Variants in ABI1 observed in about 807,000 individuals in gnomAD.
The protein encoded by ABI1 is abl interactor 1.
Under a neutral mutation model 54.6 loss-of-function variants are expected in ABI1, and 14 were observed. The observed-to-expected ratio is 0.26, with a 90% confidence interval of 0.17 to 0.40. The LOEUF (loss-of-function observed/expected upper bound fraction) is 0.40, where lower values mean the gene tolerates loss of function less well. Among genes scored for constraint, ABI1 ranks in the 10% least tolerant of loss-of-function variants. ABI1 has a pLI of 1.00. For missense variants in ABI1, 443 were observed against 598.3 expected, an observed-to-expected ratio of 0.74 and a Z score of 2.71; for synonymous variants, 194 against 209.3, an observed-to-expected ratio of 0.93 and a Z score of 0.63.
intron 1 of ABI1, among the ~76,000 whole-genome samples, chr10:26,836,840 T>C (rs184497226): frequency 1.9e-3 from 287 of 152,332 alleles, no homozygotes; most frequent in African/African-American, 6.4e-3. Flanking sequence ...CTGAGTTGTA[T>C]TACTTATAGC....
intron 5 of ABI1, 36 bp downstream of exon 5, chr10:26,770,209 T>C: frequency 6.5e-7 from 1 of 1,545,152 alleles, no homozygotes; most frequent in Non-Finnish European, 8.9e-7. Flanking sequence ...TCCTTTAGCA[T>C]ATGAATTCTT....
At chr10:26,762,125 G>A (rs538615386) in intron 7 of ABI1, among the ~76,000 whole-genome samples, 2 of 152,174 alleles carry the variant, frequency 1.3e-5, no homozygotes, top group African/African-American at 4.8e-5. Flanking sequence ...TCCCACCTCA[G>A]CCTCCCAAGT....
chr10:26,837,121 A>G (rs904667472), intron 1 of ABI1, among the ~76,000 whole-genome samples: 5 of 152,196 alleles, frequency 3.3e-5, no homozygotes, highest in African/African-American at 1.2e-4. Flanking sequence ...ACTGTATTAA[A>G]TATACAGTCG....
In ABI1 at chr10:26,759,217, C is replaced by G. The variant is rs756105104; in HGVS notation, c.842G>C (p.Gly281Ala). Residue 281 changes from glycine to alanine, a missense_variant, in exon 8 of 11, where the codon GGT becomes GCT. This residue lies in a region of ABI1 where 394 missense variants were observed against 484.8 expected (regional missense o/e 0.81). Transcript: ENST00000376140. ...CCTGGTCATTGTGCCATACTGGGAA[C>G]CAGGAGCTGAGCCCGGGGCTGCTGA... ...IGPAAPGSAP[G>A]SQYGTMTRQI... The G allele has an allele frequency of 2.5e-6, 4 of 1,613,780 alleles. No homozygotes were observed. Among genetic ancestry groups the G allele is most frequent in the Admixed American group, 3.3e-5 (2 of 59,950 alleles).
intron 2 of ABI1, among the ~76,000 whole-genome samples, chr10:26,797,330 G>C (rs1216593141): frequency 6.6e-6 from 1 of 152,120 alleles, no homozygotes; most frequent in South Asian, 2.1e-4. Context: ...TTAATTCATA[G>C]GTGTTCATTT....
chr10:26,781,415 A>C (rs1226859027), intron 2 of ABI1, among the ~76,000 whole-genome samples: 1 of 152,174 alleles, frequency 6.6e-6, no homozygotes, highest in Non-Finnish European at 1.5e-5. Flanking sequence ...CCTAAACCAA[A>C]TCTGCTAGCT....
chr10:26,770,357 A>G lies in ABI1; in HGVS notation c.478-12T>C, dbSNP rs1256104992. 6.2e-7 allele frequency: 1 copy of G among 1,607,602 alleles called. No homozygotes were observed. The highest frequency in any genetic ancestry group is 8.5e-7 in the Non-Finnish European group (1 of 1,174,124). On this transcript the variant is annotated splice_polypyrimidine_tract_variant and intron_variant, in intron 4 of 10. Coordinates refer to ENST00000376140, the MANE Select transcript of ABI1 (RefSeq NM_001012750.3). ...TGGTTATTTCCATGCTAAAATGTAG[A>G]AAGAAATGCTTTTATTTTTATATCA...
At chr10:26,849,819 T>A (rs2050254507) in intron 1 of ABI1, among the ~76,000 whole-genome samples, 1 of 152,224 alleles carries the variant, frequency 6.6e-6, no homozygotes. Flanking sequence ...GATTGCAATT[T>A]TTTCACATTG....
At chr10:26,811,919 AG>A (rs35127111) in intron 2 of ABI1, among the ~76,000 whole-genome samples, 1 of 152,202 alleles carries the variant, frequency 6.6e-6, no homozygotes, top group African/African-American at 2.4e-5. Flanking sequence ...AAAATCTTAC[AG>A]GATCAAATCC....
At chr10:26,753,466 T>A (rs1837890570) in intron 9 of ABI1, among the ~76,000 whole-genome samples, 1 of 152,198 alleles carries the variant, frequency 6.6e-6, no homozygotes, top group Non-Finnish European at 1.5e-5. Flanking sequence ...CACGAAATTG[T>A]CTTTATGTCC....
chr10:26,804,849 G>T (rs145123238), intron 2 of ABI1, among the ~76,000 whole-genome samples: 1,846 of 152,232 alleles, frequency 0.012, 18 homozygotes, highest in Non-Finnish European at 0.018. Flanking sequence ...CTATGTAAAT[G>T]CCAGTTACTA....
intron 2 of ABI1, among the ~76,000 whole-genome samples, chr10:26,795,124 A>G (rs1350959168): frequency 1.3e-5 from 2 of 150,348 alleles, no homozygotes; most frequent in African/African-American, 4.9e-5. Flanking sequence ...AGCCTGGGCG[A>G]CAGAGCGAGA....
chr10:26,847,789 A>G (rs1042115385), intron 1 of ABI1, among the ~76,000 whole-genome samples: 5 of 152,074 alleles, frequency 3.3e-5, no homozygotes, highest in Admixed American at 6.6e-5. Flanking sequence ...TAAAAGGGGG[A>G]AAATGCCAGA....
Position 26,748,420 on chromosome 10 carries a change from T to C in ABI1, c.*150A>G, listed in dbSNP as rs1837178483. ...ATACATAAACTGCCTCAAAGATTTATGCTTACAGGTAGACATTCAATTTAC... is the reference window on the plus strand; with the variant it reads ...ATACATAAACTGCCTCAAAGATTTACGCTTACAGGTAGACATTCAATTTAC... On this transcript the variant is annotated 3_prime_UTR_variant, in exon 11 of 11. Coordinates refer to ENST00000376140, the MANE Select transcript of ABI1 (RefSeq NM_001012750.3). 1 of 587,754 alleles carries C rather than the reference T, an allele frequency of 1.7e-6. No homozygotes were observed. Among genetic ancestry groups the C allele is most frequent in the African/African-American group, 1.8e-5 (1 of 54,284 alleles). 36.4% of individuals were successfully genotyped at this position (587,754 alleles called of 1,614,324 possible).
At chr10:26,836,349 G>A (rs1213233701) in intron 1 of ABI1, among the ~76,000 whole-genome samples, 1 of 151,802 alleles carries the variant, frequency 6.6e-6, no homozygotes, top group African/African-American at 2.4e-5. Context: ...CTGACCTCAG[G>A]CAATCCACCT....
At chr10:26,845,790 T>C (rs1487421915) in intron 1 of ABI1, among the ~76,000 whole-genome samples, 1 of 146,468 alleles carries the variant, frequency 6.8e-6, no homozygotes, top group African/African-American at 2.6e-5. Context: ...AATACTCCTC[T>C]TTTTAGAAAA....
chr10:26,763,818 G>T (rs1467281485), intron 7 of ABI1: 10 of 1,421,086 alleles, frequency 7.0e-6, no homozygotes, highest in East Asian at 2.3e-5. Context: ...TACTAGCACA[G>T]AGGAGTTTAT....
At chr10:26,800,501 C>T (rs1014629365) in intron 2 of ABI1, among the ~76,000 whole-genome samples, 2 of 152,090 alleles carry the variant, frequency 1.3e-5, no homozygotes, top group African/African-American at 4.8e-5. Context: ...AGGTCAGCCG[C>T]GCACGGTGGC....
At chr10:26,839,034 T>G (rs2049297552) in intron 1 of ABI1, among the ~76,000 whole-genome samples, 1 of 152,230 alleles carries the variant, frequency 6.6e-6, no homozygotes, top group South Asian at 2.1e-4. Context: ...GAGCGGAGAC[T>G]GAGAAAGTAA....
Sources: allele counts gnomAD v4.1 joint callset (sites outside exome capture counted in the v4.1 genomes callset), GRCh38; gene constraint gnomAD v4.1.1; regional missense constraint gnomAD v4.1.1; transcripts MANE v1.5; gene names NCBI Gene and HGNC (gene_info 2026-07-23, HGNC 2026-07-21).